The following PCDH15 variants were observed in gnomAD, a reference collection of about 807,000 sequenced individuals.
PCDH15 encodes protocadherin related 15.
A neutral mutation model predicts 178.5 loss-of-function variants in PCDH15; 129 were observed. The ratio of observed to expected loss-of-function variants is 0.72; its 90% confidence interval spans 0.63 to 0.84. The LOEUF (loss-of-function observed/expected upper bound fraction) is 0.84, where lower values mean the gene tolerates loss of function less well. Ranked by LOEUF, PCDH15 falls within the 40% of genes least tolerant of loss-of-function variation. The probability of loss-of-function intolerance (pLI) is 0.00; values close to 1 mark genes in which losing one functional copy is unlikely to be tolerated. For missense variants in PCDH15, 2,230 were observed against 2,099.9 expected (o/e 1.06, Z -1.21); for synonymous variants, 800 against 732.0 (o/e 1.09, Z -1.50).
At chr10:55,096,951 G>C (rs1842462385) in intron 2 of PCDH15, among the ~76,000 whole-genome samples, 1 of 151,990 alleles carries the variant, frequency 6.6e-6, no homozygotes, top group Admixed American at 6.6e-5. Context: ...TATCCCAACT[G>C]AATATTGGAA....
At chr10:54,975,585 A>G (rs1839049588) in intron 2 of PCDH15, among the ~76,000 whole-genome samples, 1 of 152,160 alleles carries the variant, frequency 6.6e-6, no homozygotes, top group African/African-American at 2.4e-5. Flanking sequence ...GTGGTGGCAG[A>G]GAAGGCTTTC....
intron 3 of PCDH15, among the ~76,000 whole-genome samples, chr10:54,866,419 T>C (rs1241830757): frequency 1.3e-5 from 2 of 152,168 alleles, no homozygotes; most frequent in African/African-American, 4.8e-5. Flanking sequence ...ACAAGATGTC[T>C]CTTTTTCCTT....
In PCDH15 at chr10:53,969,342, G is replaced by A. The variant is rs2089412518; in HGVS notation, c.2869-7450C>T. On this transcript the variant is annotated intron_variant, in intron 21 of 37. Transcript: ENST00000644397. ...AAAAAGAAATGAACAAAGCCTCCAA[G>A]AAATATGGAACTATGTGAAAAGACC... Among the ~76,000 whole-genome samples the A allele has an allele frequency of 2.0e-5, 3 of 152,178 alleles. No homozygotes were observed. In the South Asian group the frequency reaches 6.2e-4, roughly 31 times the overall value.
chr10:55,094,944 T>G (rs1842412537), intron 2 of PCDH15, among the ~76,000 whole-genome samples: 1 of 151,122 alleles, frequency 6.6e-6, no homozygotes, highest in Admixed American at 6.6e-5. Flanking sequence ...TTTTTTTTTT[T>G]TTTATCTCAC....
intron 2 of PCDH15, chr10:54,607,978 CT>C: frequency 2.0e-6 from 1 of 493,276 alleles, no homozygotes. Context: ...TTTGGAAAGG[CT>C]TTGCCTACAT....
Position 53,868,920 on chromosome 10 carries a change from G to A in PCDH15, c.3502-2063C>T, listed in dbSNP as rs986871440. Among the ~76,000 whole-genome samples, 3 of 152,222 alleles carry A rather than the reference G, an allele frequency of 2.0e-5. No individual in the cohort carries two copies. The East Asian group carries it at 5.8e-4, about 29-fold the overall frequency. On this transcript the variant is annotated intron_variant, in intron 26 of 37. Transcript: ENST00000644397. Reference sequence around the variant, plus strand: ...CTGAACCTTAGTCTCCCAGGTTCAAGCTAGCCTCACATGTCAGCCTCTGAG... The same window carrying A: ...CTGAACCTTAGTCTCCCAGGTTCAAACTAGCCTCACATGTCAGCCTCTGAG...
intron 6 of PCDH15, among the ~76,000 whole-genome samples, chr10:54,331,466 A>G (rs556387056): frequency 3.3e-5 from 5 of 152,128 alleles, no homozygotes; most frequent in Admixed American, 2.6e-4. Context: ...TGAACAACAC[A>G]ATTAAAAACA....
intron 2 of PCDH15, among the ~76,000 whole-genome samples, chr10:55,534,070 C>T (rs1396072848): frequency 6.6e-6 from 1 of 151,942 alleles, no homozygotes; most frequent in East Asian, 1.9e-4. Flanking sequence ...TCACCATATA[C>T]AAAAATTAAC....
intron 26 of PCDH15, among the ~76,000 whole-genome samples, chr10:53,874,046 G>A (rs1243692562): frequency 6.6e-6 from 1 of 152,104 alleles, no homozygotes; most frequent in African/African-American, 2.4e-5. Context: ...CAAGTCTATG[G>A]TATTCTGCTA....
chr10:55,148,139 C>A (rs1444672), intron 2 of PCDH15, among the ~76,000 whole-genome samples: 136,903 of 151,790 alleles, frequency 0.9, 62,420 homozygotes, highest in Non-Finnish European at 0.97. Flanking sequence ...TCCACTATCA[C>A]ATAGTACTGA....
chr10:54,455,020 G>T (rs954008024), intron 3 of PCDH15, among the ~76,000 whole-genome samples: 8 of 152,234 alleles, frequency 5.3e-5, no homozygotes, highest in Middle Eastern at 6.8e-3. Context: ...GTTCTCACAA[G>T]ATATCATGGT....
At chr10:54,116,614 G>C (rs977282118) in intron 15 of PCDH15, among the ~76,000 whole-genome samples, 7 of 152,154 alleles carry the variant, frequency 4.6e-5, no homozygotes, top group Non-Finnish European at 7.3e-5. Context: ...TCAGATCAGA[G>C]TCAGAGTAAA....
chr10:54,724,906 ATAGAT>A (rs1398622032), intron 1 of PCDH15, among the ~76,000 whole-genome samples: 23 of 8,482 alleles, frequency 2.7e-3, no homozygotes, highest in East Asian at 0.017. Context: ...ACATATATAT[ATAGAT>A]ATAGATATAG....
At chr10:54,823,900 T>G (rs942145533) in intron 3 of PCDH15, among the ~76,000 whole-genome samples, 22 of 152,168 alleles carry the variant, frequency 1.4e-4, no homozygotes, top group African/African-American at 5.3e-4. Flanking sequence ...GAACAGTATA[T>G]GCAATTTTTC....
intron 8 of PCDH15, among the ~76,000 whole-genome samples, chr10:54,309,573 C>T (rs2060773266): frequency 6.6e-6 from 1 of 151,998 alleles, no homozygotes; most frequent in African/African-American, 2.4e-5. Flanking sequence ...GCAGGTAGAT[C>T]ATCTGAGGTC....
At chr10:54,598,330 C>T (rs1412350089) in intron 2 of PCDH15, among the ~76,000 whole-genome samples, 6 of 152,010 alleles carry the variant, frequency 3.9e-5, no homozygotes, top group African/African-American at 1.4e-4. Flanking sequence ...ATACAAAAAC[C>T]AATAAATATG....
chr10:55,148,747 C>T (rs1302588123), intron 2 of PCDH15, among the ~76,000 whole-genome samples: 1 of 151,196 alleles, frequency 6.6e-6, no homozygotes, highest in Non-Finnish European at 1.5e-5. Context: ...GTTAAGATTT[C>T]ACTCTTTTTC....
intron 2 of PCDH15, among the ~76,000 whole-genome samples, chr10:55,092,771 A>G (rs554081338): frequency 2.4e-4 from 36 of 152,096 alleles, no homozygotes; most frequent in African/African-American, 7.9e-4. Flanking sequence ...CAATTTTGAA[A>G]GTAAGTTTAT....
intron 2 of PCDH15, among the ~76,000 whole-genome samples, chr10:55,403,706 C>A (rs1265963789): frequency 6.6e-6 from 1 of 151,886 alleles, no homozygotes; most frequent in East Asian, 1.9e-4. Flanking sequence ...CAATACCTTG[C>A]TGTTTTTGGT....
Sources: allele counts gnomAD v4.1 joint callset (sites outside exome capture counted in the v4.1 genomes callset), GRCh38; gene constraint gnomAD v4.1.1; transcripts MANE v1.5; gene names NCBI Gene and HGNC (gene_info 2026-07-23, HGNC 2026-07-21).